Variants in CFAP43 observed in about 807,000 individuals in gnomAD.
The protein encoded by CFAP43 is cilia- and flagella-associated protein 43.
In CFAP43, 155 loss-of-function variants were observed where a neutral mutation model predicts 218.9. The ratio of observed to expected loss-of-function variants is 0.71; its 90% CI spans 0.62 to 0.81. CFAP43 has a LOEUF of 0.81. CFAP43 is among the 30% of genes least tolerant of loss of function. The pLI is 0.00. For missense variants in CFAP43, 1,778 were observed against 1,954.3 expected, an observed-to-expected ratio of 0.91 and a Z score of 1.70; for synonymous variants, 645 against 681.3, an observed-to-expected ratio of 0.95 and a Z score of 0.83.
intron 7 of CFAP43, among the ~76,000 whole-genome samples, chr10:104,204,775 T>C (rs2090631394): frequency 6.6e-6 from 1 of 152,158 alleles, no homozygotes; most frequent in Non-Finnish European, 1.5e-5. Flanking sequence ...TGTCACTGCC[T>C]AGCTACCCTC....
chr10:104,160,955 C>G (rs892258076), intron 27 of CFAP43, 82 bp downstream of exon 27: 1 of 1,359,478 alleles, frequency 7.4e-7, no homozygotes, highest in African/African-American at 1.4e-5. Context: ...TTAAAGATAT[C>G]GACAAAGTAG....
At chr10:104,179,965 T>TA in intron 17 of CFAP43, 33 bp from the exon 18 acceptor site, 1 of 1,566,842 alleles carries the variant, frequency 6.4e-7, no homozygotes, top group Non-Finnish European at 8.8e-7. Context: ...AGACATGTCT[T>TA]AAAGTTAAAA....
intron 3 of CFAP43, among the ~76,000 whole-genome samples, chr10:104,224,580 C>A (rs927843122): frequency 1.3e-5 from 2 of 151,122 alleles, no homozygotes; most frequent in Non-Finnish European, 2.9e-5. Flanking sequence ...AATGGTGAAA[C>A]CCCGTCTCTA....
At chr10:104,160,954 T>A (rs745731238) in intron 27 of CFAP43, 83 bp downstream of exon 27, 28 of 1,347,408 alleles carry the variant, frequency 2.1e-5, no homozygotes, top group Non-Finnish European at 2.7e-5. Flanking sequence ...ATTAAAGATA[T>A]CGACAAAGTA....
In CFAP43 at chr10:104,206,016, T is replaced by C. The variant is rs2090676485; in HGVS notation, c.910A>G (p.Ile304Val). The C allele has an allele frequency of 5.6e-6, 9 of 1,608,094 alleles. No individual in the cohort carries two copies. The highest frequency in any genetic ancestry group is 7.6e-6 in the Non-Finnish European group (9 of 1,178,788). ...EESPLDRRNF[I>V]SPVTLVYQKE... ...TGATATACCAAGGTTACTGGACTGA[T>C]AAAATTTCTTCTGTCTTCTGGAAAA... The change falls in exon 7 of 38, where the codon ATC (isoleucine) becomes GTC (valine). Residue 304 changes from isoleucine to valine, a missense_variant. Physicochemically the swap from Ile to Val is conservative, Grantham distance 29. Around this residue, in one of 3 missense-constraint regions of CFAP43, gnomAD observed 1,553 missense variants for 1,685.2 expected, o/e 0.92. Coordinates refer to ENST00000357060, the MANE Select transcript of CFAP43 (RefSeq NM_025145.7).
intron 19 of CFAP43, among the ~76,000 whole-genome samples, chr10:104,174,229 CA>C (rs1161355193): frequency 1.3e-5 from 2 of 152,114 alleles, no homozygotes; most frequent in African/African-American, 4.8e-5. Context: ...TGTTTTCATG[CA>C]GCTGAAAAAG....
intron 2 of CFAP43, among the ~76,000 whole-genome samples, chr10:104,229,773 C>T (rs551942703): frequency 6.6e-6 from 1 of 152,320 alleles, no homozygotes; most frequent in African/African-American, 2.4e-5. Flanking sequence ...ATCATCACCG[C>T]AGCCTTCACA....
intron 27 of CFAP43, among the ~76,000 whole-genome samples, chr10:104,157,466 G>A (rs1465872945): frequency 6.6e-6 from 1 of 152,096 alleles, no homozygotes; most frequent in Non-Finnish European, 1.5e-5. Context: ...CTTAAATGTT[G>A]TTACCAAAGG....
In CFAP43 at chr10:104,192,302, A is replaced by G. The variant is rs2090251960; in HGVS notation, c.1443T>C (p.Val481=). The change falls in exon 12 of 38, where the codon GTT becomes GTC. Residue 481 remains valine (V), a splice_region_variant and synonymous_variant. Transcript: ENST00000357060. Reference sequence around the variant, plus strand: ...ACAGAAATATTCCTTGCTGATCATAACTAGAAAAGAAGAAATCTGATGATC... The same window carrying G: ...ACAGAAATATTCCTTGCTGATCATAGCTAGAAAAGAAGAAATCTGATGATC... ...FLSESSVQHV[V]YDQQGIFLLV... 1 of 1,607,744 alleles carries G rather than the reference A, an allele frequency of 6.2e-7. No homozygotes were observed. The highest frequency in any genetic ancestry group is 2.2e-5 in the East Asian group (1 of 44,726).
At chr10:104,226,755 C>G (rs2091314132) in intron 2 of CFAP43, among the ~76,000 whole-genome samples, 1 of 152,098 alleles carries the variant, frequency 6.6e-6, no homozygotes, top group Admixed American at 6.6e-5. Flanking sequence ...CGAGATGGCT[C>G]ACACCTGAAA....
chr10:104,155,715 G>A (rs988433477), intron 27 of CFAP43, among the ~76,000 whole-genome samples: 4 of 152,158 alleles, frequency 2.6e-5, no homozygotes, highest in South Asian at 4.1e-4. Flanking sequence ...TGGTGAGAAT[G>A]TGAGTCATGT....
intron 29 of CFAP43, among the ~76,000 whole-genome samples, chr10:104,147,299 G>A (rs1246665614): frequency 6.6e-6 from 1 of 151,516 alleles, no homozygotes; most frequent in Non-Finnish European, 1.5e-5. Context: ...AAAAGTTCAT[G>A]TCATTTTTAA....
intron 36 of CFAP43, 76 bp downstream of exon 36, chr10:104,132,039 AT>A: frequency 8.7e-7 from 1 of 1,147,118 alleles, no homozygotes; most frequent in Admixed American, 2.5e-5. Flanking sequence ...AGGTAAATTC[AT>A]GATTTGAAAC....
At chr10:104,139,976 G>A (rs564894715) in intron 34 of CFAP43, among the ~76,000 whole-genome samples, 169 of 151,998 alleles carry the variant, frequency 1.1e-3, no homozygotes, top group Non-Finnish European at 2.1e-3. Context: ...CACAAAATCC[G>A]CAAATATTTA....
chr10:104,185,155 T>A lies in CFAP43; in HGVS notation c.2011-9A>T. 5 of 1,613,478 alleles carry A rather than the reference T, an allele frequency of 3.1e-6. No individual in the cohort carries two copies. Among genetic ancestry groups the A allele is most frequent in the Non-Finnish European group, 4.2e-6 (5 of 1,179,858 alleles). Reference sequence around the variant, plus strand: ...CACCAAGCAAATGTTTCCTCAATAGTTAAGAAATAAACCAGAAAAATTACA... The same window carrying A: ...CACCAAGCAAATGTTTCCTCAATAGATAAGAAATAAACCAGAAAAATTACA... On this transcript the variant is annotated splice_polypyrimidine_tract_variant and intron_variant, in intron 15 of 37. Coordinates refer to ENST00000357060, the MANE Select transcript of CFAP43 (RefSeq NM_025145.7).
chr10:104,168,146 A>G (rs775966786), intron 21 of CFAP43, among the ~76,000 whole-genome samples: 13 of 152,228 alleles, frequency 8.5e-5, no homozygotes, highest in African/African-American at 2.7e-4. Context: ...ACAACAAGAA[A>G]TGATCCAGCC....
rs766271668 is a variant in CFAP43, at chr10:104,179,821, C to T, written c.2382+19G>A. On this transcript the variant is annotated intron_variant, in intron 18 of 37. Transcript: ENST00000357060. The stretch of plus-strand genomic sequence containing the variant: ...TCTACAGAGCACTATTTCAAACCTA[C>T]CCCATGTTTCACAAATACCTCTTGG... The T allele has an allele frequency of 4.4e-6, 7 of 1,588,158 alleles. No homozygotes were observed. Among genetic ancestry groups the T allele is most frequent in the Non-Finnish European group, 6.0e-6 (7 of 1,157,692 alleles).
chr10:104,183,980 C>T (rs1273295798), intron 16 of CFAP43, among the ~76,000 whole-genome samples: 1 of 152,170 alleles, frequency 6.6e-6, no homozygotes, highest in Admixed American at 6.5e-5. Flanking sequence ...AAAATCTCCA[C>T]AACATTTAAC....
chr10:104,224,648 G>A (rs1042103801), intron 3 of CFAP43, among the ~76,000 whole-genome samples: 2 of 150,982 alleles, frequency 1.3e-5, no homozygotes, highest in Non-Finnish European at 1.5e-5. Context: ...CCAGCTACTC[G>A]GGAGGCTGAG....
Sources: allele counts gnomAD v4.1 joint callset (sites outside exome capture counted in the v4.1 genomes callset), GRCh38; gene constraint gnomAD v4.1.1; regional missense constraint gnomAD v4.1.1; transcripts MANE v1.5; gene names NCBI Gene and HGNC (gene_info 2026-07-23, HGNC 2026-07-21).